The following TRMU variants were observed in gnomAD, a reference collection of about 807,000 sequenced individuals.
TRMU encodes mitochondrial tRNA-specific 2-thiouridylase 1.
A neutral mutation model predicts 46.9 loss-of-function variants in TRMU; 49 were observed. The observed-to-expected ratio is 1.05, with a 90% CI of 0.83 to 1.33. TRMU has a LOEUF of 1.33. TRMU is among the 40% of genes most tolerant of loss of function. The pLI is 0.00. For synonymous variants in TRMU, 241 were observed against 200.9 expected (o/e 1.20, Z -1.69); for missense variants, 572 against 532.4 (o/e 1.07, Z -0.73).
At chr22:46,356,324 G>T in intron 10 of TRMU, 1 of 544,064 alleles carries the variant, frequency 1.8e-6, no homozygotes, top group Non-Finnish European at 3.3e-6. Flanking sequence ...GCTGCTGCCC[G>T]GGCCCCAGAA....
Position 46,346,193 on chromosome 22 carries a change from T to C in TRMU, c.356-229T>C, listed in dbSNP as rs563708616. Among the ~76,000 whole-genome samples the C allele has an allele frequency of 1.8e-3, 272 of 151,116 alleles. 1 individual carries two copies. The highest frequency in any genetic ancestry group is 2.2e-3 in the Non-Finnish European group (152 of 67,746). ...AAGGCTCTTAAAGGTGCAATAACAC[T>C]TTAAGTAGCAAGGTTGTATCAGCTT... On this transcript the variant is annotated intron_variant, in intron 3 of 10. Coordinates refer to ENST00000645190, the MANE Select transcript of TRMU (RefSeq NM_018006.5).
At chr22:46,345,332 T>C (rs748712061) in intron 3 of TRMU, among the ~76,000 whole-genome samples, 2 of 152,140 alleles carry the variant, frequency 1.3e-5, no homozygotes, top group Non-Finnish European at 2.9e-5. Context: ...ATCGGCCTCC[T>C]AAAAGTGCTG....
At position 46,342,493 on chromosome 22, in the gene TRMU, C is replaced by T. The variant is rs1189473554; in HGVS notation, c.249-769C>T. On this transcript the variant is annotated intron_variant, in intron 2 of 10. Coordinates refer to ENST00000645190, the MANE Select transcript of TRMU (RefSeq NM_018006.5). The surrounding 1 kb of genome is among the most constrained non-coding windows in gnomAD (Gnocchi z 4.7). ...TTCATGACATCGCCATTCCTTCCCC[C>T]AGGATATACAGTGGGACTGTGTCTG... is the stretch of plus-strand genomic sequence containing the variant. 6.6e-6 allele frequency among the ~76,000 whole-genome samples: 1 copy of T among 152,134 alleles called. No individual in the cohort carries two copies. The highest frequency in any genetic ancestry group is 1.5e-5 in the Non-Finnish European group (1 of 68,016).
intron 7 of TRMU, chr22:46,352,603 A>T (rs1209041666): frequency 2.0e-5 from 11 of 550,750 alleles, no homozygotes; most frequent in South Asian, 6.2e-5. Flanking sequence ...TGAGTTACGT[A>T]TCAAGTCCCT....
Position 46,351,713 on chromosome 22 carries a change from T to TCTCTCCTCTGACTCCC in TRMU, c.652-405_652-390dup, listed in dbSNP as rs1569080637. 2 of 332,582 alleles carry TCTCTCCTCTGACTCCC rather than the reference T, an allele frequency of 6.0e-6. No homozygotes were observed. The highest frequency in any genetic ancestry group is 4.3e-5 in the African/African-American group (2 of 46,768). 20.6% of individuals were successfully genotyped at this position (332,582 alleles called of 1,614,324 possible). On this transcript the variant is annotated intron_variant, in intron 5 of 10. Transcript: ENST00000645190. This position sits in a 1 kb window ranked among gnomAD's most constrained non-coding sequence, Gnocchi z 6.4. ...GGCAGATGTGCTTGAGGAAGGCGCCTCTCTCCTCTGACTCCCCTGGAGCCC... is the reference window on the plus strand; with the variant it reads ...GGCAGATGTGCTTGAGGAAGGCGCCTCTCTCCTCTGACTCCCCTCTCCTCTGACTCCCCTGGAGCCC...
In TRMU at chr22:46,353,878, C is replaced by T. The variant is rs373365569; in HGVS notation, c.873+11C>T. On this transcript the variant is annotated intron_variant, in intron 8 of 10. Coordinates refer to ENST00000645190, the MANE Select transcript of TRMU (RefSeq NM_018006.5). ...GGTGACGTGTTTGTGGTGAGTGGGCCGGCCTCTGAGACAGCACTGGGGCTG... is the reference window on the plus strand; with the variant it reads ...GGTGACGTGTTTGTGGTGAGTGGGCTGGCCTCTGAGACAGCACTGGGGCTG... The T allele has an allele frequency of 6.1e-5, 99 of 1,612,338 alleles. 1 individual carries two copies. Among genetic ancestry groups the T allele is most frequent in the Admixed American group, 5.2e-4 (31 of 59,954 alleles).
Position 46,342,540 on chromosome 22 carries a change from G to C in TRMU, c.249-722G>C, listed in dbSNP as rs564049111. Among the ~76,000 whole-genome samples the C allele has an allele frequency of 3.3e-5, 5 of 152,234 alleles. No individual in the cohort carries two copies. Among genetic ancestry groups the C allele is most frequent in the Non-Finnish European group, 7.3e-5 (5 of 68,046 alleles). On this transcript the variant is annotated intron_variant, in intron 2 of 10. Transcript: ENST00000645190. The surrounding 1 kb of genome is among the most constrained non-coding windows in gnomAD (Gnocchi z 4.7). ...TCTGGGGAGGGTCTTAAGACCCACAGTCAGAAAGGTAGACGCTTGTAATCC... is the reference window on the plus strand; with the variant it reads ...TCTGGGGAGGGTCTTAAGACCCACACTCAGAAAGGTAGACGCTTGTAATCC...
In TRMU at chr22:46,352,754, G is replaced by A. The variant is rs959181018; in HGVS notation, c.772+424G>A. Reference sequence around the variant, plus strand: ...TGCAGCGATGGGATCAGGCGTCCGCGCTGGCCAGAGTGCTGCTCGCTCATG... The same window carrying A: ...TGCAGCGATGGGATCAGGCGTCCGCACTGGCCAGAGTGCTGCTCGCTCATG... On this transcript the variant is annotated intron_variant, in intron 7 of 10. Coordinates refer to ENST00000645190, the MANE Select transcript of TRMU (RefSeq NM_018006.5). 13 of 333,480 alleles carry A rather than the reference G, an allele frequency of 3.9e-5. No individual in the cohort carries two copies. In the East Asian group the frequency reaches 6.8e-4, roughly 17 times the overall value. The allele number at this position is 333,480 out of a possible 1,614,324, so 20.7% of individuals were successfully genotyped here.
rs1307778939 is a variant in TRMU at position 46,356,895 on chromosome 22, G to A, written c.1155G>A (p.Arg385=). The A allele has an allele frequency of 6.2e-7, 1 of 1,613,314 alleles. No individual in the cohort carries two copies. Among genetic ancestry groups the A allele is most frequent in the African/African-American group, 1.3e-5 (1 of 75,064 alleles). ...GCCTGGGCAGCGGGAAGATCCTGCG[G>A]CTGGGGCCGTCTGCCTACACGCTCC... is the stretch of plus-strand genomic sequence containing the variant. ...DECLGSGKIL[R]LGPSAYTLQK... Residue 385 remains arginine (R), a synonymous_variant, in exon 11 of 11, where the codon CGG becomes CGA. Coordinates refer to ENST00000645190, the MANE Select transcript of TRMU (RefSeq NM_018006.5).
Position 46,356,035 on chromosome 22 carries a change from C to T in TRMU, c.1064C>T (p.Thr355Ile), listed in dbSNP as rs1181374757. 1 of 1,613,958 alleles carries T rather than the reference C, an allele frequency of 6.2e-7. No individual in the cohort carries two copies. Among genetic ancestry groups the T allele is most frequent in the East Asian group, 2.2e-5 (1 of 44,884 alleles). The change falls in exon 10 of 11, where the codon ACA becomes ATA. Residue 355 changes from threonine to isoleucine, a missense_variant. Thr to Ile is a moderately conservative substitution (Grantham distance 89). Transcript: ENST00000645190. ...TLNQDGTVWV[T>I]AVQAVRALAT... Reference sequence around the variant, plus strand: ...AATCAAGATGGCACCGTGTGGGTGACAGCTGTGCAGGCTGTGCGTGCCCTT... The same window carrying T: ...AATCAAGATGGCACCGTGTGGGTGATAGCTGTGCAGGCTGTGCGTGCCCTT...
chr22:46,343,795 A>G (rs1038882576), intron 3 of TRMU, among the ~76,000 whole-genome samples: 3 of 152,174 alleles, frequency 2.0e-5, no homozygotes, highest in Admixed American at 2.0e-4. Flanking sequence ...TGGGGTCACC[A>G]TAATGAGTTT....
intron 3 of TRMU, among the ~76,000 whole-genome samples, chr22:46,345,525 TA>T (rs2078230135): frequency 6.6e-6 from 1 of 152,184 alleles, no homozygotes; most frequent in Non-Finnish European, 1.5e-5. Context: ...ACAGAAAATT[TA>T]AAAGAGGAGA....
At position 46,352,476 on chromosome 22, in the gene TRMU, C is replaced by T. The variant is rs996571446; in HGVS notation, c.772+146C>T. The T allele has an allele frequency of 4.3e-5, 39 of 910,286 alleles. No individual in the cohort carries two copies. The South Asian group carries it at 4.3e-4, about 10-fold the overall frequency. The allele number at this position is 910,286 out of a possible 1,614,324, so 56.4% of individuals were successfully genotyped here. The stretch of plus-strand genomic sequence containing the variant: ...TCTGTGGGGCGGCCGGGGGCGGGCA[C>T]GGCCTAGGGTGGAACAGTTGCCTTG... On this transcript the variant is annotated intron_variant, in intron 7 of 10. Transcript: ENST00000645190.
Position 46,351,483 on chromosome 22 carries a change from C to G in TRMU, c.652-638C>G, listed in dbSNP as rs1569080137. On this transcript the variant is annotated intron_variant, in intron 5 of 10. Coordinates refer to ENST00000645190, the MANE Select transcript of TRMU (RefSeq NM_018006.5). This position sits in a 1 kb window ranked among gnomAD's most constrained non-coding sequence, Gnocchi z 6.4. ...TGTCTCTTCCTGGTAATGGAAACGG[C>G]CATACCTTTCATCAGAGCCATCTTC... Among the ~76,000 whole-genome samples, 1 of 152,152 alleles carries G rather than the reference C, an allele frequency of 6.6e-6. No homozygotes were observed.
Position 46,343,340 on chromosome 22 carries a change from C to T in TRMU, c.327C>T (p.Cys109=). 1.9e-6 allele frequency: 3 copies of T among 1,613,760 alleles called. No individual in the cohort carries two copies. Among genetic ancestry groups the T allele is most frequent in the South Asian group, 1.1e-5 (1 of 91,060 alleles). Residue 109 remains cysteine, a synonymous_variant, in exon 3 of 11, where the codon TGC becomes TGT. Coordinates refer to ENST00000645190, the MANE Select transcript of TRMU (RefSeq NM_018006.5). ...IVCNKHIKFS[C]FFHYAVDNLG... ...GCAACAAGCACATCAAATTTAGTTG[C>T]TTTTTTCATTATGCTGTGGATAATC...
At position 46,355,532 on chromosome 22, in the gene TRMU, T is replaced by C; in HGVS notation, c.962T>C (p.Leu321Pro). Residue 321 changes from leucine (L) to proline (P), a missense_variant, in exon 9 of 11, where the codon CTG becomes CCG. Leu to Pro is a moderately conservative substitution (Grantham distance 98). Transcript: ENST00000645190. ...HWIAEEPPAA[L>P]VRDKMMECHF... The stretch of plus-strand genomic sequence containing the variant: ...ATTGCGGAGGAGCCTCCCGCAGCAC[T>C]GGTCCGGGACAAGATGATGGAGTGC... The C allele has an allele frequency of 6.2e-7, 1 of 1,613,288 alleles. No homozygotes were observed. The highest frequency in any genetic ancestry group is 8.5e-7 in the Non-Finnish European group (1 of 1,180,038).
intron 10 of TRMU, chr22:46,356,561 G>T (rs2078615131): frequency 5.8e-6 from 3 of 518,482 alleles, no homozygotes; most frequent in Non-Finnish European, 7.0e-6. Context: ...TTCCCAAGGG[G>T]TGCAGAGACC....
chr22:46,337,109 C>CATCAA (rs1417924268), intron 1 of TRMU, among the ~76,000 whole-genome samples: 1 of 152,172 alleles, frequency 6.6e-6, no homozygotes, highest in Non-Finnish European at 1.5e-5. Flanking sequence ...AAAGCTTTGT[C>CATCAA]ATCAAATTTC....
At chr22:46,345,615 A>G (rs912691087) in intron 3 of TRMU, among the ~76,000 whole-genome samples, 2 of 152,164 alleles carry the variant, frequency 1.3e-5, no homozygotes, top group South Asian at 2.1e-4. Flanking sequence ...TACAGTAAAA[A>G]CCGTGGAATC....
Sources: allele counts gnomAD v4.1 joint callset (sites outside exome capture counted in the v4.1 genomes callset), GRCh38; gene constraint gnomAD v4.1.1; non-coding constraint Gnocchi (gnomAD v3.1); transcripts MANE v1.5; gene names NCBI Gene and HGNC (gene_info 2026-07-23, HGNC 2026-07-21).